LRRC4C: variants seen among roughly 807,000 people sequenced by gnomAD.
The protein encoded by LRRC4C is leucine rich repeat containing 4C.
In LRRC4C, 5 loss-of-function variants were observed where a neutral mutation model predicts 33.6. That is an observed-to-expected ratio of 0.15 (90% CI 0.08 to 0.31). LRRC4C has a LOEUF of 0.31. Among genes scored for constraint, LRRC4C ranks in the 10% least tolerant of loss-of-function variants. LRRC4C has a pLI of 1.00. For synonymous variants in LRRC4C, 329 were observed against 302.0 expected (o/e 1.09, Z -0.93); for missense variants, 560 against 796.7 (o/e 0.70, Z 3.58).
At chr11:40,450,493 T>A (rs1267321718) in intron 3 of LRRC4C, among the ~76,000 whole-genome samples, 1 of 152,050 alleles carries the variant, frequency 6.6e-6, no homozygotes, top group Non-Finnish European at 1.5e-5. Context: ...AAGACAACAA[T>A]GACCTTAAAT....
intron 2 of LRRC4C, among the ~76,000 whole-genome samples, chr11:40,756,630 A>G (rs2137032862): frequency 6.6e-6 from 1 of 152,192 alleles, no homozygotes; most frequent in Non-Finnish European, 1.5e-5. Context: ...GTTGTCCTTC[A>G]AGTTTTGACA....
At chr11:41,274,856 G>C (rs1949432428) in intron 1 of LRRC4C, among the ~76,000 whole-genome samples, 1 of 152,096 alleles carries the variant, frequency 6.6e-6, no homozygotes, top group African/African-American at 2.4e-5. Context: ...CCACCGGAAG[G>C]AACAAACTCC....
At chr11:40,883,309 T>A (rs1322811979) in intron 2 of LRRC4C, among the ~76,000 whole-genome samples, 2 of 152,154 alleles carry the variant, frequency 1.3e-5, no homozygotes, top group East Asian at 3.9e-4. Context: ...TAGTCAACTG[T>A]GACTGGATAG....
At chr11:40,857,985 A>C (rs7940316) in intron 2 of LRRC4C, among the ~76,000 whole-genome samples, 2,758 of 120,396 alleles carry the variant, frequency 0.023, 154 homozygotes, top group African/African-American at 0.077. Flanking sequence ...GGGAAAGGGA[A>C]AGGGACAGGG....
At position 41,458,976 on chromosome 11, in the gene LRRC4C, G is replaced by A. The variant is rs1590346288; in HGVS notation, c.-496+455C>T. 3.3e-5 allele frequency among the ~76,000 whole-genome samples: 5 copies of A among 151,984 alleles called. No homozygotes were observed. In the South Asian group the frequency reaches 1.0e-3, roughly 32 times the overall value. On this transcript the variant is annotated intron_variant, in intron 1 of 6. Transcript: ENST00000528697. ...AGAAAAAAATAGAGCTATGGGGAGGGGGAAGTCTACTATTAAGTTATCGTG... is the reference window on the plus strand; with the variant it reads ...AGAAAAAAATAGAGCTATGGGGAGGAGGAAGTCTACTATTAAGTTATCGTG...
At chr11:40,432,999 T>C (rs1780302480) in intron 3 of LRRC4C, among the ~76,000 whole-genome samples, 1 of 152,084 alleles carries the variant, frequency 6.6e-6, no homozygotes, top group African/African-American at 2.4e-5. Flanking sequence ...TTGTAGAAAA[T>C]TAAGGAAAGC....
At chr11:40,781,998 C>T (rs1304504372) in intron 2 of LRRC4C, among the ~76,000 whole-genome samples, 1 of 152,086 alleles carries the variant, frequency 6.6e-6, no homozygotes, top group Non-Finnish European at 1.5e-5. Context: ...AGCTTTCTGC[C>T]CCCTTTAATG....
chr11:41,421,464 A>C (rs2138326612), intron 1 of LRRC4C, among the ~76,000 whole-genome samples: 1 of 152,148 alleles, frequency 6.6e-6, no homozygotes, highest in South Asian at 2.1e-4. Context: ...TTTTTCTCAA[A>C]CCTTCTGATA....
At chr11:41,192,051 G>A (rs960853444) in intron 1 of LRRC4C, among the ~76,000 whole-genome samples, 8 of 152,082 alleles carry the variant, frequency 5.3e-5, no homozygotes, top group Non-Finnish European at 1.2e-4. Context: ...ACCCTAGATA[G>A]CCACACAGCA....
intron 1 of LRRC4C, among the ~76,000 whole-genome samples, chr11:41,394,056 G>T (rs979418756): frequency 2.1e-4 from 32 of 151,912 alleles, no homozygotes; most frequent in Non-Finnish European, 3.8e-4. Flanking sequence ...AGCCTTAAAA[G>T]CATAGACTCT....
chr11:40,253,987 A>T (rs762905553), intron 4 of LRRC4C, among the ~76,000 whole-genome samples: 1 of 152,228 alleles, frequency 6.6e-6, no homozygotes, highest in Non-Finnish European at 1.5e-5. Context: ...AAAGCAGATT[A>T]TCAAACTATG....
intron 1 of LRRC4C, among the ~76,000 whole-genome samples, chr11:41,310,423 C>G (rs956348355): frequency 1.3e-5 from 2 of 152,300 alleles, no homozygotes; most frequent in Admixed American, 6.5e-5. Context: ...ATCAGACTGC[C>G]TGGGTTCCAA....
intron 1 of LRRC4C, among the ~76,000 whole-genome samples, chr11:41,139,780 T>A (rs1402354860): frequency 1.3e-5 from 2 of 152,190 alleles, no homozygotes; most frequent in Non-Finnish European, 2.9e-5. Context: ...GTCAAACACT[T>A]AGAGCAAATC....
chr11:41,187,792 C>T (rs946263804), intron 1 of LRRC4C, among the ~76,000 whole-genome samples: 1 of 152,166 alleles, frequency 6.6e-6, no homozygotes, highest in African/African-American at 2.4e-5. Context: ...GCCGTGGGGC[C>T]GGAGCACCAC....
At chr11:41,045,949 A>C (rs1408007189) in intron 1 of LRRC4C, among the ~76,000 whole-genome samples, 1 of 152,160 alleles carries the variant, frequency 6.6e-6, no homozygotes, top group Non-Finnish European at 1.5e-5. Flanking sequence ...AACGTTACAC[A>C]ATTCCATGTG....
chr11:41,037,361 A>G (rs1590318057), intron 1 of LRRC4C, among the ~76,000 whole-genome samples: 2 of 151,504 alleles, frequency 1.3e-5, no homozygotes, highest in East Asian at 3.9e-4. Flanking sequence ...TGTTTTTCAG[A>G]CCAAGTCTCA....
rs186935316 is a variant in LRRC4C at position 40,507,376 on chromosome 11, A to T, written c.-270+140766T>A. On this transcript the variant is annotated intron_variant, in intron 3 of 6. Coordinates refer to ENST00000528697, the MANE Select transcript of LRRC4C (RefSeq NM_001258419.2). ...AAAAATAAAATCCGAACAGCCCTAG[A>T]TATATTTTTTTAAATGGTCAACCTT... Among the ~76,000 whole-genome samples, 3 of 152,278 alleles carry T rather than the reference A, an allele frequency of 2.0e-5. No individual in the cohort carries two copies. The East Asian group carries it at 5.8e-4, about 29-fold the overall frequency.
rs200421544 is a variant in LRRC4C, at chr11:40,987,675, GAT to G, written c.-495-53954_-495-53953del. On this transcript the variant is annotated intron_variant, in intron 1 of 6. Coordinates refer to ENST00000528697, the MANE Select transcript of LRRC4C (RefSeq NM_001258419.2). ...TATCTCATATATATGAGATATAAAT[GAT>G]ATATATATATATATCTCATATATAT... 5.2e-3 allele frequency among the ~76,000 whole-genome samples: 344 copies of G among 65,946 alleles called. 15 individuals are homozygous for G. Among genetic ancestry groups the G allele is most frequent in the African/African-American group, 0.022 (291 of 13,224 alleles). 43.3% of individuals were successfully genotyped at this position (65,946 alleles called of 152,430 possible). A position where few individuals can be genotyped will look rare whatever the true frequency, so the allele number is the denominator to read the frequency against.
chr11:40,469,140 C>A (rs986391791), intron 3 of LRRC4C, among the ~76,000 whole-genome samples: 7 of 152,184 alleles, frequency 4.6e-5, no homozygotes, highest in Non-Finnish European at 7.3e-5. Flanking sequence ...GTGAGATCAA[C>A]GCAGAAGGTG....
Sources: allele counts gnomAD v4.1 joint callset (sites outside exome capture counted in the v4.1 genomes callset), GRCh38; gene constraint gnomAD v4.1.1; transcripts MANE v1.5; gene names NCBI Gene and HGNC (gene_info 2026-07-23, HGNC 2026-07-21).